Variants in RIGI observed in about 807,000 individuals in gnomAD.
RIGI encodes the protein antiviral innate immune response receptor RIG-I.
the RIGI span, among the ~76,000 whole-genome samples, chr9:32,475,240 C>T: frequency 6.6e-6 from 1 of 152,174 alleles, no homozygotes; most frequent in Non-Finnish European, 1.5e-5. Context: ...GTGTGAGCCA[C>T]CATGCCCAGC....
the RIGI span, among the ~76,000 whole-genome samples, chr9:32,478,949 A>G: frequency 6.6e-6 from 1 of 152,242 alleles, no homozygotes; most frequent in African/African-American, 2.4e-5. Flanking sequence ...AGCACAAAAT[A>G]TTGAGAAACA....
chr9:32,505,532 A>AC, the RIGI span, among the ~76,000 whole-genome samples: 2 of 152,104 alleles, frequency 1.3e-5, no homozygotes, highest in Non-Finnish European at 2.9e-5. Context: ...CTCTTCAGGG[A>AC]CTTCATAGTT....
the RIGI span, chr9:32,501,039 G>A: frequency 7.2e-7 from 1 of 1,389,550 alleles, no homozygotes; most frequent in Non-Finnish European, 9.9e-7. Flanking sequence ...ATAGGGACAG[G>A]AATTGTACCA....
the RIGI span, chr9:32,498,343 T>A: frequency 2.2e-6 from 1 of 456,678 alleles, no homozygotes; most frequent in Admixed American, 2.3e-5. Context: ...CTTTCATGAC[T>A]CCTCCTGTAG....
the RIGI span, among the ~76,000 whole-genome samples, chr9:32,486,572 A>C: frequency 6.6e-6 from 1 of 152,158 alleles, no homozygotes; most frequent in South Asian, 2.1e-4. Flanking sequence ...AGAAGAAAGA[A>C]GAAAGCAAGA....
chr9:32,477,033 T>C, the RIGI span: 3 of 1,614,212 alleles, frequency 1.9e-6, 1 homozygote, highest in South Asian at 3.3e-5. Flanking sequence ...GTCTCTGGGT[T>C]TAAGTGGTAC....
the RIGI span, among the ~76,000 whole-genome samples, chr9:32,519,001 C>T: frequency 2.0e-5 from 3 of 152,158 alleles, no homozygotes; most frequent in Non-Finnish European, 2.9e-5. Context: ...TGAGCCACCA[C>T]GCCCAGCCTA....
At chr9:32,489,311 G>C in the RIGI span, 1 of 1,498,706 alleles carries the variant, frequency 6.7e-7, no homozygotes, top group Non-Finnish European at 9.2e-7. Flanking sequence ...GAAGCAAACA[G>C]AAAAACTATG....
the RIGI span, chr9:32,480,186 A>G: frequency 1.9e-6 from 3 of 1,574,444 alleles, no homozygotes; most frequent in East Asian, 4.5e-5. Flanking sequence ...CAAGAATGCT[A>G]CTGTGGCTTC....
At chr9:32,466,690 CAAAAAAA>C in the RIGI span, among the ~76,000 whole-genome samples, 7,356 of 68,528 alleles carry the variant, frequency 0.11, 203 homozygotes, top group African/African-American at 0.14. Flanking sequence ...AGACCTATCT[CAAAAAAA>C]AAAAAAAAAA....
chr9:32,520,828 C>T, the RIGI span, among the ~76,000 whole-genome samples: 1 of 33,048 alleles, frequency 3.0e-5, no homozygotes, highest in Non-Finnish European at 1.0e-4. Flanking sequence ...GTGGCTCAGG[C>T]TGGGCGTGGT....
chr9:32,458,890 T>TA, the RIGI span, among the ~76,000 whole-genome samples: 1 of 32,938 alleles, frequency 3.0e-5, no homozygotes, highest in Admixed American at 3.7e-4. Flanking sequence ...TTAGCATGAC[T>TA]TTTTTTTTTT....
the RIGI span, among the ~76,000 whole-genome samples, chr9:32,465,496 G>C: frequency 6.6e-6 from 1 of 152,146 alleles, no homozygotes; most frequent in Non-Finnish European, 1.5e-5. Context: ...TCTTGGGCAC[G>C]TATTTTATGC....
At chr9:32,493,286 A>G in the RIGI span, among the ~76,000 whole-genome samples, 2 of 152,286 alleles carry the variant, frequency 1.3e-5, no homozygotes, top group East Asian at 3.9e-4. Context: ...AATAGGGCAA[A>G]CTTCAAAAAA....
At chr9:32,460,474 T>C in the RIGI span, among the ~76,000 whole-genome samples, 6 of 151,850 alleles carry the variant, frequency 4.0e-5, no homozygotes, top group Admixed American at 3.9e-4. Context: ...CAGAAAGATC[T>C]CAAACTGAAT....
At chr9:32,480,113 C>T in the RIGI span, 5 of 1,311,814 alleles carry the variant, frequency 3.8e-6, no homozygotes, top group Middle Eastern at 1.9e-4. Context: ...GGACAACTCC[C>T]TAAGCATCCC....
At chr9:32,485,154 A>G in the RIGI span, 2 of 1,554,228 alleles carry the variant, frequency 1.3e-6, no homozygotes, top group Non-Finnish European at 1.7e-6. Context: ...GAGAGAACAC[A>G]AAATATGAGA....
At chr9:32,505,580 A>G in the RIGI span, among the ~76,000 whole-genome samples, 2 of 152,180 alleles carry the variant, frequency 1.3e-5, no homozygotes, top group Non-Finnish European at 2.9e-5. Flanking sequence ...TGTTAAATGT[A>G]TGACTATCTT....
At chr9:32,460,467 A>G in the RIGI span, among the ~76,000 whole-genome samples, 2 of 152,238 alleles carry the variant, frequency 1.3e-5, no homozygotes, top group African/African-American at 4.8e-5. Context: ...CAATAAACAG[A>G]AAGATCTCAA....
Sources: allele counts gnomAD v4.1 joint callset (sites outside exome capture counted in the v4.1 genomes callset), GRCh38; gene constraint gnomAD v4.1.1; transcripts MANE v1.5; gene names NCBI Gene and HGNC (gene_info 2026-07-23, HGNC 2026-07-21).